Variants in NXN observed in about 807,000 individuals in gnomAD.
NXN encodes the protein nucleoredoxin 1.
A neutral mutation model predicts 48.6 loss-of-function variants in NXN; 16 were observed. That is an observed-to-expected ratio of 0.33 (90% CI 0.22 to 0.50). The LOEUF (loss-of-function observed/expected upper bound fraction) is 0.50, where lower values mean the gene tolerates loss of function less well. Among genes scored for constraint, NXN ranks in the 20% least tolerant of loss-of-function variants. NXN has a pLI of 0.98. For synonymous variants in NXN, 281 were observed against 269.6 expected (o/e 1.04, Z -0.41); for missense variants, 492 against 605.5 (o/e 0.81, Z 1.97).
chr17:935,882 C>T (rs944189406), intron 1 of NXN, among the ~76,000 whole-genome samples: 6 of 152,072 alleles, frequency 3.9e-5, no homozygotes, highest in Admixed American at 6.6e-5. Context: ...CACCTGAGGT[C>T]GGGAGTTTAA....
In NXN at chr17:979,577, C is replaced by A. The variant is rs1481128771; in HGVS notation, c.102G>T (p.Leu34=). 19 of 1,431,774 alleles carry A rather than the reference C, an allele frequency of 1.3e-5. No individual in the cohort carries two copies. Among genetic ancestry groups the A allele is most frequent in the Non-Finnish European group, 1.6e-5 (18 of 1,091,244 alleles). 88.7% of individuals were successfully genotyped at this position (1,431,774 alleles called of 1,614,324 possible). Residue 34 remains leucine, a synonymous_variant, in exon 1 of 8, where the codon CTG becomes CTT. Coordinates refer to ENST00000336868, the MANE Select transcript of NXN (RefSeq NM_022463.5). ...HSLGARGISL[L]GLYFGCSLSA... is the part of the protein sequence containing the mutation. ...TGAGGCTGCAGCCGAAGTAGAGACC[C>A]AGCAGCGAGATGCCGCGGGCGCCCA...
At position 860,153 on chromosome 17, in the gene NXN, T is replaced by C. The variant is rs563990046; in HGVS notation, c.361-34075A>G. Among the ~76,000 whole-genome samples the C allele has an allele frequency of 1.4e-4, 22 of 152,318 alleles. No individual in the cohort carries two copies. The East Asian group carries it at 3.9e-3, about 27-fold the overall frequency. ...TATTATTATTATTTAAGACATAGTCTTGCTCTGTTGCCTAGGTTGGAGGGC... is the reference window on the plus strand; with the variant it reads ...TATTATTATTATTTAAGACATAGTCCTGCTCTGTTGCCTAGGTTGGAGGGC... On this transcript the variant is annotated intron_variant, in intron 1 of 7. Transcript: ENST00000336868.
intron 5 of NXN, among the ~76,000 whole-genome samples, chr17:812,990 A>T (rs989226342): frequency 4.6e-5 from 7 of 151,288 alleles, no homozygotes; most frequent in Admixed American, 4.6e-4. Context: ...GCACATGTGA[A>T]TGTAGGTGTT....
chr17:953,924 G>A (rs1421226480), intron 1 of NXN, among the ~76,000 whole-genome samples: 5 of 152,186 alleles, frequency 3.3e-5, no homozygotes, highest in Admixed American at 2.6e-4. Flanking sequence ...TGACGGGTGC[G>A]GGAGGATGAT....
At chr17:951,481 C>T (rs1197274162) in intron 1 of NXN, among the ~76,000 whole-genome samples, 1 of 151,018 alleles carries the variant, frequency 6.6e-6, no homozygotes, top group Non-Finnish European at 1.5e-5. Flanking sequence ...TGTTGAGATG[C>T]TCACGCTCTC....
At chr17:924,394 C>T (rs990829005) in intron 1 of NXN, among the ~76,000 whole-genome samples, 6 of 152,166 alleles carry the variant, frequency 3.9e-5, no homozygotes, top group African/African-American at 1.4e-4. Context: ...TGAGCCACTA[C>T]GTCCGGCTAA....
At chr17:862,317 A>T (rs1329207172) in intron 1 of NXN, among the ~76,000 whole-genome samples, 2 of 152,190 alleles carry the variant, frequency 1.3e-5, no homozygotes, top group Non-Finnish European at 2.9e-5. Context: ...GGAATTCGGG[A>T]TCAGCTTCGG....
In NXN at chr17:932,778, G is replaced by A. The variant is rs7224673; in HGVS notation, c.360+46541C>T. Among the ~76,000 whole-genome samples, 19 of 151,948 alleles carry A rather than the reference G, an allele frequency of 1.3e-4. No individual in the cohort carries two copies. Among genetic ancestry groups the A allele is most frequent in the Non-Finnish European group, 2.6e-4 (18 of 68,002 alleles). On this transcript the variant is annotated intron_variant, in intron 1 of 7. Transcript: ENST00000336868. The surrounding 1 kb of genome is among the most constrained non-coding windows in gnomAD (Gnocchi z 4.1). ...GGAGTGCCTTGTTGTGGCCGGCTTC[G>A]CATAAGTCATCTGCGCCCGCCACCA...
chr17:845,373 C>G (rs555080117), intron 1 of NXN, among the ~76,000 whole-genome samples: 22 of 151,820 alleles, frequency 1.4e-4, no homozygotes, highest in African/African-American at 5.3e-4. Flanking sequence ...AGAATCCTAC[C>G]GTCATCACCC....
intron 1 of NXN, among the ~76,000 whole-genome samples, chr17:950,108 A>T (rs1303202854): frequency 1.3e-5 from 2 of 152,182 alleles, no homozygotes; most frequent in Non-Finnish European, 2.9e-5. Flanking sequence ...CCACCTTACA[A>T]ATTCGGTGCC....
intron 1 of NXN, among the ~76,000 whole-genome samples, chr17:964,554 C>CAAA (rs576763875): frequency 3.7e-4 from 57 of 152,268 alleles, no homozygotes; most frequent in African/African-American, 1.3e-3. Flanking sequence ...GGACTTTCTG[C>CAAA]AAATTTAGGA....
chr17:802,066 G>A (rs1283347713), intron 7 of NXN, among the ~76,000 whole-genome samples: 2 of 152,174 alleles, frequency 1.3e-5, no homozygotes, highest in African/African-American at 4.8e-5. Flanking sequence ...ATAGCCTCAT[G>A]CAGACACCAA....
intron 1 of NXN, among the ~76,000 whole-genome samples, chr17:833,016 G>A (rs1434141073): frequency 3.3e-5 from 5 of 151,890 alleles, no homozygotes; most frequent in South Asian, 2.1e-4. Context: ...TCAGCCTCCC[G>A]AGTAGCTGGG....
At chr17:957,860 C>T (rs188601806) in intron 1 of NXN, among the ~76,000 whole-genome samples, 16 of 152,214 alleles carry the variant, frequency 1.1e-4, no homozygotes, top group South Asian at 4.1e-4. Context: ...AACAGACCCC[C>T]GCAGTCAGCT....
chr17:901,168 G>T (rs745565452), intron 1 of NXN, among the ~76,000 whole-genome samples: 2 of 152,004 alleles, frequency 1.3e-5, no homozygotes, highest in African/African-American at 2.4e-5. Context: ...TGATCTGCCC[G>T]CCTCGGCCTC....
At chr17:823,574 C>G in intron 3 of NXN, 58 bp downstream of exon 3, 1 of 1,598,816 alleles carries the variant, frequency 6.3e-7, no homozygotes, top group Non-Finnish European at 8.5e-7. Context: ...CACAGCTGGG[C>G]CTGCTGGGAA....
At chr17:899,940 T>A (rs974633194) in intron 1 of NXN, among the ~76,000 whole-genome samples, 16 of 152,126 alleles carry the variant, frequency 1.1e-4, no homozygotes, top group African/African-American at 3.9e-4. Flanking sequence ...TTAAAGTAAA[T>A]GATATCCTCA....
At chr17:960,486 G>A (rs941780855) in intron 1 of NXN, among the ~76,000 whole-genome samples, 11 of 151,914 alleles carry the variant, frequency 7.2e-5, no homozygotes, top group East Asian at 1.9e-4. Context: ...TGGGACTACA[G>A]GTGTGCACCA....
At chr17:835,034 C>A (rs1029454562) in intron 1 of NXN, among the ~76,000 whole-genome samples, 15 of 151,190 alleles carry the variant, frequency 9.9e-5, no homozygotes, top group Admixed American at 9.9e-4. Flanking sequence ...GCAGGCCTGG[C>A]GCGGTGGCTC....
Sources: gnomAD v4.1 joint callset for allele counts (sites outside exome capture counted in the v4.1 genomes callset) on GRCh38, gnomAD v4.1.1 for gene constraint, Gnocchi (gnomAD v3.1) non-coding constraint, MANE v1.5 for transcripts, NCBI Gene and HGNC (gene_info 2026-07-23, HGNC 2026-07-21) for gene names.